TBC1D22A: variants seen among roughly 807,000 people sequenced by gnomAD.
The protein encoded by TBC1D22A is putative GTPase activator.
In TBC1D22A, 38 loss-of-function variants were observed where a neutral mutation model predicts 60.2. The observed-to-expected ratio is 0.63, with a 90% CI of 0.49 to 0.83. The LOEUF (loss-of-function observed/expected upper bound fraction) is 0.83, where lower values mean the gene tolerates loss of function less well. Among genes scored for constraint, TBC1D22A ranks in the 40% least tolerant of loss-of-function variants. The pLI, the probability that TBC1D22A is intolerant of heterozygous loss-of-function variation, is 0.00. For missense variants in TBC1D22A, 628 were observed against 701.0 expected (o/e 0.90, Z 1.18); for synonymous variants, 302 against 281.7 (o/e 1.07, Z -0.72).
chr22:46,771,683 C>T (rs1301844679), intron 1 of TBC1D22A, among the ~76,000 whole-genome samples: 2 of 151,924 alleles, frequency 1.3e-5, no homozygotes, highest in Admixed American at 6.6e-5. Context: ...CAACCTCTGC[C>T]TCCCGGGTTC....
At chr22:47,059,718 C>T (rs537536153) in intron 11 of TBC1D22A, among the ~76,000 whole-genome samples, 1 of 152,338 alleles carries the variant, frequency 6.6e-6, no homozygotes, top group African/African-American at 2.4e-5. Context: ...GGTGCCGTTT[C>T]TGCCTGAGCT....
At chr22:46,797,664 C>T (rs971244256) in intron 4 of TBC1D22A, 44 bp downstream of exon 4, 1 of 1,532,160 alleles carries the variant, frequency 6.5e-7, no homozygotes, top group Non-Finnish European at 8.8e-7. Flanking sequence ...ACATTTCTTG[C>T]TGTTTCTGAA....
At chr22:46,997,450 A>AAT (rs1450421044) in intron 9 of TBC1D22A, among the ~76,000 whole-genome samples, 184 bp from the exon 10 acceptor site, 1 of 152,196 alleles carries the variant, frequency 6.6e-6, no homozygotes, top group Middle Eastern at 3.2e-3. Flanking sequence ...CCCTTCTCAA[A>AAT]ATAGCAGTCA....
chr22:46,922,862 G>T (rs1267212303), intron 8 of TBC1D22A, among the ~76,000 whole-genome samples: 2 of 152,100 alleles, frequency 1.3e-5, no homozygotes, highest in Admixed American at 6.5e-5. Context: ...GTATAGAATC[G>T]TATTGATTGC....
At chr22:46,917,533 C>T (rs1381684056) in intron 8 of TBC1D22A, among the ~76,000 whole-genome samples, 2 of 152,112 alleles carry the variant, frequency 1.3e-5, no homozygotes, top group Non-Finnish European at 2.9e-5. Context: ...GTGCCGTTTA[C>T]CAGGATGAGA....
At chr22:46,942,538 C>G (rs2072235929) in intron 8 of TBC1D22A, among the ~76,000 whole-genome samples, 1 of 152,194 alleles carries the variant, frequency 6.6e-6, no homozygotes, top group South Asian at 2.1e-4. Context: ...AGGATTCAAA[C>G]CGCGTTAATA....
At chr22:46,933,813 G>A (rs190017725) in intron 8 of TBC1D22A, among the ~76,000 whole-genome samples, 1 of 152,360 alleles carries the variant, frequency 6.6e-6, no homozygotes, top group East Asian at 1.9e-4. Flanking sequence ...TTCAAATTAA[G>A]TAGCCACACG....
chr22:47,111,720 T>G (rs1186261132), intron 12 of TBC1D22A, 117 bp downstream of exon 12: 5 of 900,418 alleles, frequency 5.6e-6, no homozygotes, highest in Non-Finnish European at 8.4e-6. Flanking sequence ...CTGCCTGCAT[T>G]TCGCCGCTGA....
intron 10 of TBC1D22A, among the ~76,000 whole-genome samples, chr22:47,022,316 C>T (rs190918665): frequency 5.3e-5 from 8 of 152,278 alleles, no homozygotes; most frequent in South Asian, 4.1e-4. Context: ...ATAAGGCAGC[C>T]GGGCCATCCC....
intron 8 of TBC1D22A, chr22:46,913,614 C>A (rs1295966504): frequency 2.0e-6 from 2 of 980,768 alleles, no homozygotes; most frequent in South Asian, 4.7e-5. Flanking sequence ...TGCCTCTTAC[C>A]CCTCATTTGA....
At chr22:46,905,192 G>A (rs2069373073) in intron 7 of TBC1D22A, among the ~76,000 whole-genome samples, 1 of 152,188 alleles carries the variant, frequency 6.6e-6, no homozygotes, top group Non-Finnish European at 1.5e-5. Flanking sequence ...AATTGCTTTG[G>A]GATTAGAACT....
At chr22:46,876,042 C>G (rs1409222965) in intron 4 of TBC1D22A, among the ~76,000 whole-genome samples, 1 of 152,126 alleles carries the variant, frequency 6.6e-6, no homozygotes, top group African/African-American at 2.4e-5. Flanking sequence ...GCAGGTCTTG[C>G]GATGGGCCCT....
At chr22:46,813,088 T>A (rs374052785) in intron 4 of TBC1D22A, among the ~76,000 whole-genome samples, 8 of 152,236 alleles carry the variant, frequency 5.3e-5, no homozygotes, top group African/African-American at 1.4e-4. Flanking sequence ...TTCATTTGCT[T>A]CTTCCTTTAC....
chr22:47,013,918 C>G (rs181948931), intron 10 of TBC1D22A, among the ~76,000 whole-genome samples: 2 of 152,240 alleles, frequency 1.3e-5, no homozygotes, highest in Non-Finnish European at 2.9e-5. Context: ...TGCACACGGC[C>G]AGTCCTCCCA....
chr22:46,960,859 A>T (rs2073459787), intron 8 of TBC1D22A, among the ~76,000 whole-genome samples: 1 of 150,362 alleles, frequency 6.7e-6, no homozygotes, highest in African/African-American at 2.4e-5. Flanking sequence ...AGGCAGGAGA[A>T]TGGCGTGAAC....
rs546853585 is a variant in TBC1D22A at position 46,996,269 on chromosome 22, C to G, written c.1126-1365C>G. Among the ~76,000 whole-genome samples, 3 of 152,362 alleles carry G rather than the reference C, an allele frequency of 2.0e-5. No homozygotes were observed. In the South Asian group the frequency reaches 6.2e-4, roughly 32 times the overall value. On this transcript the variant is annotated intron_variant, in intron 9 of 12. Transcript: ENST00000337137. ...TTACTGAGGCCAGTGGCCTGCCTGGCTTCCCCTAGCTGAGACTCATGGGGC... is the reference window on the plus strand; with the variant it reads ...TTACTGAGGCCAGTGGCCTGCCTGGGTTCCCCTAGCTGAGACTCATGGGGC...
At chr22:47,052,090 A>G (rs1443755931) in intron 11 of TBC1D22A, among the ~76,000 whole-genome samples, 1 of 152,182 alleles carries the variant, frequency 6.6e-6, no homozygotes, top group Non-Finnish European at 1.5e-5. Flanking sequence ...GCCCCCAGCA[A>G]GGTGTCCGCA....
chr22:46,808,186 C>T (rs527513879), intron 4 of TBC1D22A, among the ~76,000 whole-genome samples: 4 of 152,088 alleles, frequency 2.6e-5, no homozygotes, highest in East Asian at 3.9e-4. Flanking sequence ...GGCAAAACCC[C>T]GTCTTTACTA....
chr22:46,976,997 C>T (rs998599271), intron 9 of TBC1D22A, among the ~76,000 whole-genome samples: 3 of 152,218 alleles, frequency 2.0e-5, no homozygotes, highest in African/African-American at 7.2e-5. Context: ...CTAACATTGT[C>T]TTCGCCGTGA....
Sources: allele counts gnomAD v4.1 joint callset (sites outside exome capture counted in the v4.1 genomes callset), GRCh38; gene constraint gnomAD v4.1.1; transcripts MANE v1.5; gene names NCBI Gene and HGNC (gene_info 2026-07-23, HGNC 2026-07-21).